PRX: variants seen among roughly 807,000 people sequenced by gnomAD.
PRX encodes the protein periaxin.
A neutral mutation model predicts 29.6 loss-of-function variants in PRX; 24 were observed. The observed-to-expected ratio is 0.81, with a 90% confidence interval of 0.59 to 1.14. The LOEUF (loss-of-function observed/expected upper bound fraction) is 1.14, where lower values mean the gene tolerates loss of function less well. Ranked by LOEUF, PRX falls within the 50% of genes most tolerant of loss-of-function variation. The pLI is 0.00. For missense variants in PRX, 1,838 were observed against 1,926.4 expected, an observed-to-expected ratio of 0.95 and a Z score of 0.86; for synonymous variants, 772 against 831.7, an observed-to-expected ratio of 0.93 and a Z score of 1.24.
At position 40,395,869 on chromosome 19, in the gene PRX, G is replaced by A; in HGVS notation, c.2483C>T (p.Ser828Leu). The stretch of plus-strand genomic sequence containing the variant: ...ACAGGGAAGTGTTACCAGCTTCCCT[G>A]AGACCTCAGCACCCGCCTCGCCTGG... Reference protein sequence around the residue: ...GKPGEAGAEVSGKLVTLPCLQ... With the variant: ...GKPGEAGAEVLGKLVTLPCLQ... The change falls in exon 7 of 7, where the codon TCA becomes TTA. Residue 828 changes from serine (S) to leucine (L), a missense_variant. Transcript: ENST00000324001. 1 of 1,614,194 alleles carries A rather than the reference G, an allele frequency of 6.2e-7. No homozygotes were observed. Among genetic ancestry groups the A allele is most frequent in the Non-Finnish European group, 8.5e-7 (1 of 1,180,048 alleles).
intron 5 of PRX, among the ~76,000 whole-genome samples, chr19:40,399,171 T>TTAC (rs1035415914): frequency 1.3e-5 from 2 of 152,058 alleles, no homozygotes; most frequent in Non-Finnish European, 2.9e-5. Context: ...CTGCGGCGAC[T>TTAC]TACTCCATTC....
rs760875742 is a variant in PRX at position 40,394,061 on chromosome 19, C to A, written c.4291G>T (p.Gly1431Cys). The change falls in exon 7 of 7, where the codon GGT (glycine) becomes TGT (cysteine). Residue 1431 changes from glycine to cysteine, a missense_variant. Coordinates refer to ENST00000324001, the MANE Select transcript of PRX (RefSeq NM_181882.3). The surrounding 1 kb of genome is among the most constrained non-coding windows in gnomAD (Gnocchi z 5.8). ...CTGGGCAGCCGCACCCGCAATCCAC[C>A]CTCTTCCTGGTCCCCACTCCCACTC... is the stretch of plus-strand genomic sequence containing the variant. The part of the protein sequence containing the change: ...ARSGSGDQEE[G>C]GLRVRLPSVG... 1 of 1,612,446 alleles carries A rather than the reference C, an allele frequency of 6.2e-7. No homozygotes were observed.
intron 1 of PRX, among the ~76,000 whole-genome samples, chr19:40,412,890 A>C (rs2079564973): frequency 6.6e-6 from 1 of 152,148 alleles, no homozygotes; most frequent in African/African-American, 2.4e-5. Flanking sequence ...TAATTAAAAA[A>C]AATTTTTTTT....
At chr19:40,413,887 C>T (rs1228086598), upstream of PRX, among the ~76,000 whole-genome samples, 1 of 152,140 alleles carries the variant, frequency 6.6e-6, no homozygotes, top group Non-Finnish European at 1.5e-5. Context: ...AAGACAATGC[C>T]GGGCACATAA....
At chr19:40,399,810 C>T (rs112309642) in intron 5 of PRX, among the ~76,000 whole-genome samples, 53 of 151,130 alleles carry the variant, frequency 3.5e-4, no homozygotes, top group African/African-American at 1.2e-3. Context: ...TCCCAAAATG[C>T]TGATATTACA....
chr19:40,403,870 G>A lies in PRX; in HGVS notation c.28-8C>T. Reference sequence around the variant, plus strand: ...CTCCGCCCGCCTCAGCTCCTGCAGAGGGCGGCGAGGTGTCGCGTTGGGGCT... The same window carrying A: ...CTCCGCCCGCCTCAGCTCCTGCAGAAGGCGGCGAGGTGTCGCGTTGGGGCT... On this transcript the variant is annotated splice_region_variant and splice_polypyrimidine_tract_variant and intron_variant, in intron 4 of 6. Coordinates refer to ENST00000324001, the MANE Select transcript of PRX (RefSeq NM_181882.3). 6.2e-7 allele frequency: 1 copy of A among 1,606,742 alleles called. No individual in the cohort carries two copies. The highest frequency in any genetic ancestry group is 8.5e-7 in the Non-Finnish European group (1 of 1,178,904).
intron 5 of PRX, 130 bp downstream of exon 5, chr19:40,403,576 C>A: frequency 8.4e-7 from 1 of 1,184,744 alleles, no homozygotes; most frequent in Non-Finnish European, 1.2e-6. Flanking sequence ...CCGCCCCAAG[C>A]CCTTAACCCC....
chr19:40,407,813 G>A (rs548125515), intron 4 of PRX, 93 bp downstream of exon 4: 893 of 1,543,734 alleles, frequency 5.8e-4, no homozygotes, highest in Non-Finnish European at 6.1e-4. Context: ...GAGAGAATGA[G>A]GCACAGAGAG....
chr19:40,411,659 G>T (rs1056993413), intron 1 of PRX, among the ~76,000 whole-genome samples: 1 of 152,120 alleles, frequency 6.6e-6, no homozygotes, highest in East Asian at 1.9e-4. Context: ...CCTGAGCCAC[G>T]TACCCAGCCC....
chr19:40,398,268 C>A lies in PRX; in HGVS notation c.382-298G>T. 2 of 1,414,894 alleles carry A rather than the reference C, an allele frequency of 1.4e-6. No homozygotes were observed. The highest frequency in any genetic ancestry group is 1.8e-6 in the Non-Finnish European group (2 of 1,088,842). The allele number at this position is 1,414,894 out of a possible 1,614,324, so 87.6% of individuals were successfully genotyped here. A position where few individuals can be genotyped will look rare whatever the true frequency, so the allele number is the denominator to read the frequency against. On this transcript the variant is annotated intron_variant, in intron 6 of 6. Coordinates refer to ENST00000324001, the MANE Select transcript of PRX (RefSeq NM_181882.3). The surrounding 1 kb of genome is among the most constrained non-coding windows in gnomAD (Gnocchi z 6.3). ...TTCTAGAGATGGGGAAACTGAGGCC[C>A]AGGGAGAGAAACAACTTTGTCCAGG...
At chr19:40,403,912 C>T (rs765962599) in intron 4 of PRX, 50 bp from the exon 5 acceptor site, 2 of 1,583,932 alleles carry the variant, frequency 1.3e-6, no homozygotes, top group Non-Finnish European at 1.7e-6. Flanking sequence ...CCGGACCTCG[C>T]CCAGAGCCCG....
intron 4 of PRX, among the ~76,000 whole-genome samples, chr19:40,404,152 C>A (rs555174427): frequency 6.6e-5 from 10 of 152,198 alleles, no homozygotes; most frequent in Non-Finnish European, 1.2e-4. Context: ...CTCGGCGCTG[C>A]CCTCGCAGGA....
intron 4 of PRX, 26 bp from the exon 5 acceptor site, chr19:40,403,888 T>A: frequency 6.2e-7 from 1 of 1,601,924 alleles, no homozygotes; most frequent in Non-Finnish European, 8.5e-7. Flanking sequence ...AGGTGTCGCG[T>A]TGGGGCTCTA....
chr19:40,403,649 A>C (rs1289098124), intron 5 of PRX, 57 bp downstream of exon 5: 10 of 1,502,080 alleles, frequency 6.7e-6, no homozygotes, highest in Non-Finnish European at 1.8e-6. Context: ...GACCCAAGGC[A>C]GATTCCTAAC....
chr19:40,396,560 T>C lies in PRX; in HGVS notation c.1792A>G (p.Met598Val). ...PKVPEMKLPEMKLPEVQLPKV... is the reference protein window; with the variant it reads ...PKVPEMKLPEVKLPEVQLPKV... ...GGGAGTTGCACTTCAGGGAGTTTCA[T>C]CTCAGGAAGTTTCATCTCAGGCACC... Residue 598 changes from methionine (M) to valine (V), a missense_variant, in exon 7 of 7, where the codon ATG becomes GTG. This residue lies in a region of PRX where 1,143 missense variants were observed against 1,193.0 expected (regional missense o/e 0.96). Coordinates refer to ENST00000324001, the MANE Select transcript of PRX (RefSeq NM_181882.3). The C allele has an allele frequency of 1.2e-6, 2 of 1,611,834 alleles. No homozygotes were observed. Among genetic ancestry groups the C allele is most frequent in the Non-Finnish European group, 1.7e-6 (2 of 1,179,542 alleles).
intron 5 of PRX, among the ~76,000 whole-genome samples, chr19:40,399,053 C>T (rs769389977): frequency 4.7e-4 from 71 of 152,144 alleles, no homozygotes; most frequent in Non-Finnish European, 9.1e-4. Context: ...TTGTCGCTCC[C>T]CTACCCATCC....
Position 40,394,983 on chromosome 19 carries a change from C to G in PRX, c.3369G>C (p.Leu1123=). 1 of 1,608,898 alleles carries G rather than the reference C, an allele frequency of 6.2e-7. No individual in the cohort carries two copies. The highest frequency in any genetic ancestry group is 1.1e-5 in the South Asian group (1 of 91,072). ...CGGCTGTGGACACCTTCAGGCCTGA[C>G]AGCTGCATTCCACTGACGGCCACAG... ...EGAVAVSGMQ[L]SGLKVSTAGQ... Residue 1123 remains leucine, a synonymous_variant, in exon 7 of 7, where the codon CTG becomes CTC. Transcript: ENST00000324001. This position sits in a 1 kb window ranked among gnomAD's most constrained non-coding sequence, Gnocchi z 5.8.
rs759538054 is a variant in PRX, at chr19:40,396,228, C to G, written c.2124G>C (p.Glu708Asp). 6.2e-7 allele frequency: 1 copy of G among 1,611,866 alleles called. No homozygotes were observed. Among genetic ancestry groups the G allele is most frequent in the South Asian group, 1.1e-5 (1 of 90,962 alleles). Residue 708 changes from glutamate to aspartate, a missense_variant, in exon 7 of 7, where the codon GAG becomes GAC. Coordinates refer to ENST00000324001, the MANE Select transcript of PRX (RefSeq NM_181882.3). ...TTTCACAGACTTTGGGCAGCTGCAC[C>G]TCTGGGAGGTGCACATCGGGCACGG... The part of the protein sequence containing the change: ...EMAVPDVHLP[E>D]VQLPKVCEMK...
chr19:40,403,979 G>A lies in PRX; in HGVS notation c.28-117C>T, dbSNP rs1484548221. 1.2e-5 allele frequency: 15 copies of A among 1,203,374 alleles called. No individual in the cohort carries two copies. In the East Asian group the frequency reaches 3.7e-4, roughly 29 times the overall value. The allele number at this position is 1,203,374 out of a possible 1,614,324, so 74.5% of individuals were successfully genotyped here. ...TATATGTTTATATATATTTAGAGAC[G>A]GGGGTGGGGGACGGTCTCGCCACAC... On this transcript the variant is annotated intron_variant, in intron 4 of 6. Coordinates refer to ENST00000324001, the MANE Select transcript of PRX (RefSeq NM_181882.3).
Sources: allele counts gnomAD v4.1 joint callset (sites outside exome capture counted in the v4.1 genomes callset), GRCh38; gene constraint gnomAD v4.1.1; regional missense constraint gnomAD v4.1.1; non-coding constraint Gnocchi (gnomAD v3.1); transcripts MANE v1.5; gene names NCBI Gene and HGNC (gene_info 2026-07-23, HGNC 2026-07-21).